PCDHGB2: variants seen among roughly 807,000 people sequenced by gnomAD.
PCDHGB2 encodes the protein protocadherin gamma-B2.
Under a neutral mutation model 59.3 loss-of-function variants are expected in PCDHGB2, and 55 were observed. The ratio of observed to expected loss-of-function variants is 0.93; its 90% CI spans 0.75 to 1.16. PCDHGB2 has a LOEUF of 1.16. PCDHGB2 is among the 50% of genes most tolerant of loss of function. The pLI is 0.00. For synonymous variants in PCDHGB2, 516 were observed against 512.0 expected (o/e 1.01, Z -0.11); for missense variants, 1,228 against 1,198.5 (o/e 1.02, Z -0.36).
intron 1 of PCDHGB2, chr5:141,421,696 A>G: frequency 6.2e-7 from 1 of 1,613,886 alleles, no homozygotes; most frequent in Non-Finnish European, 8.5e-7. Context: ...TGCTCTTCCT[A>G]ATGCTAGGGA....
intron 1 of PCDHGB2, chr5:141,365,056 C>T: frequency 6.2e-7 from 1 of 1,613,906 alleles, no homozygotes; most frequent in Non-Finnish European, 8.5e-7. Flanking sequence ...CGCCCCTGTT[C>T]ACCCCATCCG....
intron 2 of PCDHGB2, among the ~76,000 whole-genome samples, chr5:141,503,568 C>T (rs1357099545): frequency 6.9e-6 from 1 of 144,390 alleles, no homozygotes; most frequent in Non-Finnish European, 1.5e-5. Context: ...CACTGTACTC[C>T]AGCCTGGGTG....
chr5:141,421,102 T>A (rs1420706532), intron 1 of PCDHGB2: 2 of 691,286 alleles, frequency 2.9e-6, no homozygotes, highest in Admixed American at 6.2e-5. Context: ...CACTGGAGAC[T>A]TAGAAGTATT....
chr5:141,450,150 G>T (rs1314865325), intron 1 of PCDHGB2, among the ~76,000 whole-genome samples: 1 of 150,342 alleles, frequency 6.7e-6, no homozygotes, highest in Non-Finnish European at 1.5e-5. Flanking sequence ...GGGACTACAG[G>T]CATGTGCCAC....
At chr5:141,507,833 G>C (rs1184502436) in intron 3 of PCDHGB2, among the ~76,000 whole-genome samples, 2 of 152,172 alleles carry the variant, frequency 1.3e-5, no homozygotes, top group East Asian at 3.9e-4. Flanking sequence ...GGAGGTGGTG[G>C]GTCAGGCCCT....
chr5:141,423,798 A>G (rs551396089), intron 1 of PCDHGB2: 76 of 1,222,390 alleles, frequency 6.2e-5, no homozygotes, highest in Middle Eastern at 4.5e-4. Context: ...TATTTAGAGC[A>G]ATACATGTGA....
In PCDHGB2 at chr5:141,409,837, C is replaced by G. The variant is rs182654621; in HGVS notation, c.2421+47281C>G. 823 of 1,611,470 alleles carry G rather than the reference C, an allele frequency of 5.1e-4. 5 individuals carry two copies. The East Asian group carries it at 9.5e-3, about 19-fold the overall frequency. On this transcript the variant is annotated intron_variant, in intron 1 of 3. Coordinates refer to ENST00000522605, the MANE Select transcript of PCDHGB2 (RefSeq NM_018923.3). ...ACGGCTCGCCCACGCTCAGCGCCAACGTGAGCCTGCGCGTGTTGGTGGGAG... is the reference window on the plus strand; with the variant it reads ...ACGGCTCGCCCACGCTCAGCGCCAAGGTGAGCCTGCGCGTGTTGGTGGGAG...
intron 1 of PCDHGB2, chr5:141,383,406 T>C (rs780989648): frequency 6.2e-7 from 1 of 1,613,748 alleles, no homozygotes; most frequent in Admixed American, 1.7e-5. Context: ...CCCTCCAGAG[T>C]TACCAGCTCA....
rs770235234 is a variant in PCDHGB2 at position 141,422,145 on chromosome 5, G to T, written c.2421+59589G>T. On this transcript the variant is annotated intron_variant, in intron 1 of 3. Coordinates refer to ENST00000522605, the MANE Select transcript of PCDHGB2 (RefSeq NM_018923.3). Reference sequence around the variant, plus strand: ...AAACTGGAGAAGTTCAAGTACGGGGGTCTCTGGATTTTGAAAAATATAGAT... The same window carrying T: ...AAACTGGAGAAGTTCAAGTACGGGGTTCTCTGGATTTTGAAAAATATAGAT... The T allele has an allele frequency of 8.2e-6, 13 of 1,580,608 alleles. No individual in the cohort carries two copies. The African/African-American group carries it at 1.5e-4, about 18-fold the overall frequency.
chr5:141,443,367 C>T (rs1305408862), intron 1 of PCDHGB2, among the ~76,000 whole-genome samples: 1 of 151,712 alleles, frequency 6.6e-6, no homozygotes, highest in African/African-American at 2.4e-5. Flanking sequence ...TGCCTGTGGT[C>T]TCAGCTACTT....
intron 1 of PCDHGB2, among the ~76,000 whole-genome samples, chr5:141,435,308 A>G (rs2097757210): frequency 6.6e-6 from 1 of 152,186 alleles, no homozygotes; most frequent in African/African-American, 2.4e-5. Flanking sequence ...GTTTTAAATC[A>G]TTCATGAACT....
intron 1 of PCDHGB2, among the ~76,000 whole-genome samples, chr5:141,465,907 G>C (rs1367648934): frequency 6.6e-6 from 1 of 152,056 alleles, no homozygotes; most frequent in East Asian, 1.9e-4. Flanking sequence ...CAAATCACGA[G>C]GTCAGGATTT....
At chr5:141,370,641 AACTT>A in intron 1 of PCDHGB2, 1 of 1,613,910 alleles carries the variant, frequency 6.2e-7, no homozygotes, top group Non-Finnish European at 8.5e-7. Context: ...CGAAAATGGG[AACTT>A]ACTTGTGAGC....
intron 1 of PCDHGB2, chr5:141,364,540 T>C (rs1380715716): frequency 1.9e-6 from 3 of 1,614,050 alleles, no homozygotes; most frequent in Admixed American, 1.7e-5. Flanking sequence ...TCTCCAGAGG[T>C]AGGACGCAGC....
Position 141,374,676 on chromosome 5 carries a change from G to A in PCDHGB2, c.2421+12120G>A, listed in dbSNP as rs372705367. 2.7e-5 allele frequency: 43 copies of A among 1,610,386 alleles called. No homozygotes were observed. In the African/African-American group the frequency reaches 5.5e-4, roughly 21 times the overall value. On this transcript the variant is annotated intron_variant, in intron 1 of 3. Transcript: ENST00000522605. The stretch of plus-strand genomic sequence containing the variant: ...AAGTACCCGGAGCTGGTGCTGGAGG[G>A]CACACTGGACCGGGAAGGAGAAGCC...
chr5:141,385,097 C>T (rs1296944219), intron 1 of PCDHGB2: 3 of 1,614,192 alleles, frequency 1.9e-6, no homozygotes, highest in East Asian at 2.2e-5. Context: ...GGTGGCTTGG[C>T]GAACGTGCCC....
At chr5:141,403,276 C>G in intron 1 of PCDHGB2, 7 of 1,613,844 alleles carry the variant, frequency 4.3e-6, no homozygotes, top group Non-Finnish European at 5.1e-6. Context: ...ACTTTAAAGT[C>G]CTGGTTGAAG....
At position 141,476,290 on chromosome 5, in the gene PCDHGB2, C is replaced by T. The variant is rs768208156; in HGVS notation, c.2422-18517C>T. ...TGGTCGCGAACCTTGGTTTGGATCT[C>T]GGTAGCCTCTCAGCCCGCAGGTTCC... On this transcript the variant is annotated intron_variant, in intron 1 of 3. Coordinates refer to ENST00000522605, the MANE Select transcript of PCDHGB2 (RefSeq NM_018923.3). The surrounding 1 kb of genome is among the most constrained non-coding windows in gnomAD (Gnocchi z 7.6). 1.7e-5 allele frequency: 27 copies of T among 1,613,932 alleles called. No individual in the cohort carries two copies. Among genetic ancestry groups the T allele is most frequent in the Non-Finnish European group, 2.3e-5 (27 of 1,180,018 alleles).
intron 1 of PCDHGB2, among the ~76,000 whole-genome samples, chr5:141,488,493 C>T (rs1594759823): frequency 6.6e-6 from 1 of 152,226 alleles, no homozygotes; most frequent in East Asian, 1.9e-4. Context: ...AAAACTGTAA[C>T]ACTCATTCCA....
Sources: gnomAD v4.1 joint callset for allele counts (sites outside exome capture counted in the v4.1 genomes callset) on GRCh38, gnomAD v4.1.1 for gene constraint, Gnocchi (gnomAD v3.1) non-coding constraint, MANE v1.5 for transcripts, NCBI Gene and HGNC (gene_info 2026-07-23, HGNC 2026-07-21) for gene names.